The following SLC24A2 variants were observed in gnomAD, a reference collection of about 807,000 sequenced individuals.
SLC24A2 encodes the protein sodium/potassium/calcium exchanger 2.
A neutral mutation model predicts 62.0 loss-of-function variants in SLC24A2; 36 were observed. That is an observed-to-expected ratio of 0.58 (90% CI 0.44 to 0.77). SLC24A2 has a LOEUF of 0.77. SLC24A2 is among the 30% of genes least tolerant of loss of function. The probability of loss-of-function intolerance (pLI) is 0.00; values close to 1 mark genes in which losing one functional copy is unlikely to be tolerated. For synonymous variants in SLC24A2, 358 were observed against 294.0 expected, an observed-to-expected ratio of 1.22 and a Z score of -2.23; for missense variants, 846 against 817.9, an observed-to-expected ratio of 1.03 and a Z score of -0.42.
chr9:20,108,089 C>T, the SLC24A2 span, among the ~76,000 whole-genome samples: 5 of 152,290 alleles, frequency 3.3e-5, no homozygotes, highest in Middle Eastern at 6.8e-3. Flanking sequence ...CCAAAAAACA[C>T]ATGAAAAAAT....
the SLC24A2 span, among the ~76,000 whole-genome samples, chr9:20,263,104 A>G: frequency 1.3e-5 from 2 of 152,216 alleles, no homozygotes; most frequent in African/African-American, 4.8e-5. Flanking sequence ...TGTTTCTTGT[A>G]GCCCAATACC....
intron 2 of SLC24A2, among the ~76,000 whole-genome samples, chr9:19,737,908 CA>C: frequency 6.6e-6 from 1 of 152,198 alleles, no homozygotes; most frequent in South Asian, 2.1e-4. Flanking sequence ...CATGAAGCTT[CA>C]CAAATGTTAG....
chr9:19,594,834 T>C (rs901320236), intron 5 of SLC24A2, among the ~76,000 whole-genome samples: 1 of 152,212 alleles, frequency 6.6e-6, no homozygotes, highest in African/African-American at 2.4e-5. Flanking sequence ...GAAGAGGCCA[T>C]GCCTGGCTTC....
chr9:20,045,299 G>T, the SLC24A2 span, among the ~76,000 whole-genome samples: 1 of 152,118 alleles, frequency 6.6e-6, no homozygotes, highest in Admixed American at 6.5e-5. Context: ...TTCTCAGAGA[G>T]CGTGTACAAA....
intron 2 of SLC24A2, among the ~76,000 whole-genome samples, chr9:19,779,516 A>G (rs544012492): frequency 1.3e-5 from 2 of 152,348 alleles, no homozygotes; most frequent in East Asian, 1.9e-4. Flanking sequence ...TTCAAGAACA[A>G]AAGTGAAATA....
chr9:20,004,644 T>A, the SLC24A2 span, among the ~76,000 whole-genome samples: 3 of 152,128 alleles, frequency 2.0e-5, no homozygotes, highest in African/African-American at 7.2e-5. Context: ...TGAGCTGGAG[T>A]TTTATAAGGG....
chr9:20,029,761 C>A, the SLC24A2 span, among the ~76,000 whole-genome samples: 22 of 152,222 alleles, frequency 1.4e-4, no homozygotes, highest in South Asian at 3.5e-3. Flanking sequence ...TGAACTCAGG[C>A]AATATGAGCT....
chr9:19,684,473 T>C (rs1819818925), intron 2 of SLC24A2, among the ~76,000 whole-genome samples: 1 of 152,038 alleles, frequency 6.6e-6, no homozygotes, highest in Non-Finnish European at 1.5e-5. Flanking sequence ...ATTCAGGACA[T>C]GTGGCTGGGG....
At chr9:19,895,878 G>A in the SLC24A2 span, 6,510 of 1,612,866 alleles carry the variant, frequency 4.0e-3, 190 homozygotes, top group East Asian at 0.075. Context: ...GCAGGGCCTC[G>A]GCCAGTGTGA....
the SLC24A2 span, among the ~76,000 whole-genome samples, chr9:19,843,240 C>T: frequency 2.0e-5 from 3 of 152,286 alleles, no homozygotes; most frequent in South Asian, 2.1e-4. Flanking sequence ...GTGGCTTGTG[C>T]CTTGTAATCC....
chr9:19,743,252 T>C (rs1006085630), intron 2 of SLC24A2, among the ~76,000 whole-genome samples: 5 of 152,206 alleles, frequency 3.3e-5, no homozygotes, highest in Non-Finnish European at 7.4e-5. Flanking sequence ...GGTTATGTCA[T>C]AGGGTTAGTC....
At chr9:19,585,843 G>C (rs1836355978) in intron 5 of SLC24A2, among the ~76,000 whole-genome samples, 1 of 152,098 alleles carries the variant, frequency 6.6e-6, no homozygotes, top group Non-Finnish European at 1.5e-5. Context: ...GCCCATTCAG[G>C]CTTTCTTTAA....
At chr9:19,890,661 C>A in the SLC24A2 span, among the ~76,000 whole-genome samples, 1 of 152,076 alleles carries the variant, frequency 6.6e-6, no homozygotes, top group Non-Finnish European at 1.5e-5. Flanking sequence ...CTCATTCCAT[C>A]ACATAGCTTT....
chr9:19,840,086 T>G, the SLC24A2 span, among the ~76,000 whole-genome samples: 1 of 152,096 alleles, frequency 6.6e-6, no homozygotes, highest in African/African-American at 2.4e-5. Flanking sequence ...AATGGCAAAA[T>G]AGAACTCAAA....
At chr9:19,892,143 T>C in the SLC24A2 span, among the ~76,000 whole-genome samples, 1 of 152,142 alleles carries the variant, frequency 6.6e-6, no homozygotes, top group Non-Finnish European at 1.5e-5. Context: ...GCACTTGCTT[T>C]TTCTTCCGTT....
the SLC24A2 span, among the ~76,000 whole-genome samples, chr9:20,079,100 A>G: frequency 1.3e-5 from 2 of 152,182 alleles, no homozygotes; most frequent in Non-Finnish European, 2.9e-5. Context: ...CCTAAATCCA[A>G]TGATAATTGT....
chr9:19,516,172 G>A lies in SLC24A2; in HGVS notation c.1967C>T (p.Thr656Ile), dbSNP rs755889613. Reference protein sequence around the residue: ...VSVLLEDRILTCPVSI With the variant: ...VSVLLEDRILICPVSI Reference sequence around the variant, plus strand: ...TTCCTGCTAGATGGAGACGGGGCATGTAAGAATTCTGTCTTCTAGGAGAAC... The same window carrying A: ...TTCCTGCTAGATGGAGACGGGGCATATAAGAATTCTGTCTTCTAGGAGAAC... Residue 656 changes from threonine to isoleucine, a missense_variant, in exon 11 of 11, where the codon ACA becomes ATA. By Grantham distance (89) the Thr-to-Ile change is moderately conservative. Coordinates refer to ENST00000341998, the MANE Select transcript of SLC24A2 (RefSeq NM_020344.4). 6.2e-7 allele frequency: 1 copy of A among 1,614,162 alleles called. No individual in the cohort carries two copies. Among genetic ancestry groups the A allele is most frequent in the Admixed American group, 1.7e-5 (1 of 60,026 alleles).
At chr9:19,864,778 A>G in the SLC24A2 span, among the ~76,000 whole-genome samples, 1 of 152,244 alleles carries the variant, frequency 6.6e-6, no homozygotes, top group African/African-American at 2.4e-5. Flanking sequence ...GATCTAGAAC[A>G]TGACAAGGAT....
chr9:19,832,309 G>A, the SLC24A2 span, among the ~76,000 whole-genome samples: 2 of 152,328 alleles, frequency 1.3e-5, no homozygotes, highest in African/African-American at 2.4e-5. Context: ...ACTACTTCAA[G>A]TTGTATCAGT....
Sources: gnomAD v4.1 joint callset for allele counts (sites outside exome capture counted in the v4.1 genomes callset) on GRCh38, gnomAD v4.1.1 for gene constraint, MANE v1.5 for transcripts, NCBI Gene and HGNC (gene_info 2026-07-23, HGNC 2026-07-21) for gene names.